Variants in DNAJC11 observed in about 807,000 individuals in gnomAD.
DNAJC11 encodes DnaJ heat shock protein family (Hsp40) member C11.
Under a neutral mutation model 78.6 loss-of-function variants are expected in DNAJC11, and 15 were observed. The observed-to-expected ratio is 0.19, with a 90% CI of 0.13 to 0.29. The LOEUF (loss-of-function observed/expected upper bound fraction) is 0.29, where lower values mean the gene tolerates loss of function less well. Among genes scored for constraint, DNAJC11 ranks in the 10% least tolerant of loss-of-function variants. The pLI is 1.00. For missense variants in DNAJC11, 547 were observed against 709.6 expected, an observed-to-expected ratio of 0.77 and a Z score of 2.60; for synonymous variants, 292 against 272.1, an observed-to-expected ratio of 1.07 and a Z score of -0.72.
intron 3 of DNAJC11, among the ~76,000 whole-genome samples, chr1:6,669,516 A>T (rs1265846192): frequency 4.0e-5 from 2 of 50,386 alleles, no homozygotes; most frequent in Non-Finnish European, 9.1e-5. Context: ...TCTGTCTTAG[A>T]AAAGAAAAGA....
At chr1:6,693,409 C>T (rs945119691) in intron 1 of DNAJC11, among the ~76,000 whole-genome samples, 3 of 152,158 alleles carry the variant, frequency 2.0e-5, no homozygotes, top group Non-Finnish European at 4.4e-5. Context: ...TAGATGGATT[C>T]TTGCTCTGTC....
At chr1:6,643,402 A>T (rs956803230) in intron 10 of DNAJC11, among the ~76,000 whole-genome samples, 10 of 151,742 alleles carry the variant, frequency 6.6e-5, no homozygotes, top group African/African-American at 1.5e-4. Context: ...CAGCCTCCCA[A>T]GTAGCAGAGA....
At chr1:6,666,882 C>T (rs1044497342) in intron 4 of DNAJC11, among the ~76,000 whole-genome samples, 1 of 152,222 alleles carries the variant, frequency 6.6e-6, no homozygotes, top group Non-Finnish European at 1.5e-5. Flanking sequence ...GCCAGGCCAT[C>T]CTGGCCACAG....
At chr1:6,642,061 C>T (rs1641886196) in intron 10 of DNAJC11, among the ~76,000 whole-genome samples, 1 of 152,188 alleles carries the variant, frequency 6.6e-6, no homozygotes, top group Admixed American at 6.5e-5. Context: ...ACGTATTTAT[C>T]TGCAGACTGA....
chr1:6,681,011 G>A lies in DNAJC11; in HGVS notation c.99C>T (p.Ala33=). 1 of 1,613,558 alleles carries A rather than the reference G, an allele frequency of 6.2e-7. No homozygotes were observed. Among genetic ancestry groups the A allele is most frequent in the Non-Finnish European group, 8.5e-7 (1 of 1,179,658 alleles). The change falls in exon 2 of 16, where the codon GCC becomes GCT. Residue 33 remains alanine, a synonymous_variant. Transcript: ENST00000377577. ...REASSEELKA[A]YRRLCMLYHP... ...GGTAGAGCATACAGAGCCTCCGGTA[G>A]GCAGCTTTCAGCTCTTCAGAAGAGG...
intron 4 of DNAJC11, among the ~76,000 whole-genome samples, chr1:6,660,692 C>T (rs2148737229): frequency 6.6e-6 from 1 of 152,306 alleles, no homozygotes; most frequent in Non-Finnish European, 1.5e-5. Context: ...GAAAGATGAC[C>T]ATTTTCCCTG....
At position 6,634,212 on chromosome 1, in the gene DNAJC11, G is replaced by A; in HGVS notation, c.*1463C>T. On this transcript the variant is annotated 3_prime_UTR_variant, in exon 16 of 16. Coordinates refer to ENST00000377577, the MANE Select transcript of DNAJC11 (RefSeq NM_018198.4). ...TATTGTGGTGAGTGCCTTCTGTACA[G>A]TCGACTGCAAATGAAACGCAGAGGA... 2.0e-6 allele frequency: 2 copies of A among 979,842 alleles called. No homozygotes were observed. The highest frequency in any genetic ancestry group is 3.1e-5 in the South Asian group (2 of 64,702). 60.7% of individuals were successfully genotyped at this position (979,842 alleles called of 1,614,324 possible). A position where few individuals can be genotyped will look rare whatever the true frequency, so the allele number is the denominator to read the frequency against.
chr1:6,639,904 C>T lies in DNAJC11; in HGVS notation c.1251G>A (p.Glu417=), dbSNP rs950537881. The T allele has an allele frequency of 5.0e-6, 8 of 1,612,592 alleles. No individual in the cohort carries two copies. In the African/African-American group the frequency reaches 9.4e-5, roughly 19 times the overall value. ...ATGCCCATGACGTGTCAACTCACTT[C>T]TCTTTCTGAGCCCTGAGGTATGGTT... ...IIKPYLRAQK[E]KELEKQRESA... The change falls in exon 11 of 16, where the codon GAG becomes GAA. Residue 417 remains glutamate, a splice_region_variant and synonymous_variant. Transcript: ENST00000377577.
In DNAJC11 at chr1:6,645,894, G is replaced by T; in HGVS notation, c.789C>A (p.Asp263Glu). The T allele has an allele frequency of 1.9e-6, 3 of 1,614,218 alleles. No individual in the cohort carries two copies. Among genetic ancestry groups the T allele is most frequent in the Non-Finnish European group, 2.5e-6 (3 of 1,180,042 alleles). ...GLTTVLARNL[D>E]KNTVGYLQWR... ...ACTGCAGGTAGCCCACGGTGTTCTT[G>T]TCTAGGTTCCGAGCTAGGACAGTGG... Residue 263 changes from aspartate (D) to glutamate (E), a missense_variant, in exon 8 of 16, where the codon GAC becomes GAA. Asp to Glu is a conservative substitution (Grantham distance 45, BLOSUM62 2). Coordinates refer to ENST00000377577, the MANE Select transcript of DNAJC11 (RefSeq NM_018198.4). This position sits in a 1 kb window ranked among gnomAD's most constrained non-coding sequence, Gnocchi z 4.1.
chr1:6,672,749 G>A (rs1642399944), intron 3 of DNAJC11, among the ~76,000 whole-genome samples: 1 of 152,182 alleles, frequency 6.6e-6, no homozygotes, highest in African/African-American at 2.4e-5. Context: ...GCTGTGAGCC[G>A]CTCTTCTCCT....
At chr1:6,665,031 G>C (rs919178492) in intron 4 of DNAJC11, among the ~76,000 whole-genome samples, 1 of 152,130 alleles carries the variant, frequency 6.6e-6, no homozygotes, top group Non-Finnish European at 1.5e-5. Context: ...CTCTGTGGGG[G>C]GTCCAGCTGA....
At chr1:6,672,543 C>G (rs1476029633) in intron 3 of DNAJC11, among the ~76,000 whole-genome samples, 1 of 152,196 alleles carries the variant, frequency 6.6e-6, no homozygotes, top group Non-Finnish European at 1.5e-5. Flanking sequence ...ATATTTTACA[C>G]AAATTTTGCA....
At chr1:6,683,592 A>G (rs1642588462) in intron 1 of DNAJC11, among the ~76,000 whole-genome samples, 1 of 152,210 alleles carries the variant, frequency 6.6e-6, no homozygotes, top group Non-Finnish European at 1.5e-5. Flanking sequence ...GTGCCTAACA[A>G]TGTCCAGCTC....
intron 1 of DNAJC11, among the ~76,000 whole-genome samples, chr1:6,687,780 C>T (rs1642681178): frequency 6.6e-6 from 1 of 152,084 alleles, no homozygotes; most frequent in African/African-American, 2.4e-5. Flanking sequence ...TGGGATTCAT[C>T]GTCAAACAGA....
Position 6,640,073 on chromosome 1 carries a change from A to C in DNAJC11, c.1098-16T>G. The C allele has an allele frequency of 1.1e-6, 1 of 935,550 alleles. No homozygotes were observed. Among genetic ancestry groups the C allele is most frequent in the East Asian group, 3.6e-5 (1 of 28,044 alleles). 58.0% of individuals were successfully genotyped at this position (935,550 alleles called of 1,614,324 possible). A position where few individuals can be genotyped will look rare whatever the true frequency, so the allele number is the denominator to read the frequency against. ...CCTGTTGAGCCTGGGGAAAAATACA[A>C]AAAAAAAAAAAAAAAAGCCAAGATG... On this transcript the variant is annotated splice_polypyrimidine_tract_variant and intron_variant, in intron 10 of 15. Transcript: ENST00000377577.
chr1:6,667,559 C>G, intron 4 of DNAJC11, 150 bp downstream of exon 4: 1 of 659,358 alleles, frequency 1.5e-6, no homozygotes, highest in Non-Finnish European at 2.7e-6. Flanking sequence ...CAGAAAGATA[C>G]AACTTTGACA....
Position 6,645,651 on chromosome 1 carries a change from G to A in DNAJC11, c.894+138C>T. ...CAGGTCACTCGAGTGTGAGCACCGAGAGCCTGCCCCTCAGGGCCCTGTATG... is the reference window on the plus strand; with the variant it reads ...CAGGTCACTCGAGTGTGAGCACCGAAAGCCTGCCCCTCAGGGCCCTGTATG... On this transcript the variant is annotated intron_variant, in intron 8 of 15. Transcript: ENST00000377577. The surrounding 1 kb of genome is among the most constrained non-coding windows in gnomAD (Gnocchi z 4.1). 1 of 983,964 alleles carries A rather than the reference G, an allele frequency of 1.0e-6. No individual in the cohort carries two copies. Among genetic ancestry groups the A allele is most frequent in the South Asian group, 1.7e-5 (1 of 60,026 alleles). 61.0% of individuals were successfully genotyped at this position (983,964 alleles called of 1,614,324 possible). A position where few individuals can be genotyped will look rare whatever the true frequency, so the allele number is the denominator to read the frequency against.
At chr1:6,664,385 G>A (rs112107312) in intron 4 of DNAJC11, among the ~76,000 whole-genome samples, 6,873 of 151,962 alleles carry the variant, frequency 0.045, 296 homozygotes, top group African/African-American at 0.11. Flanking sequence ...GACTACAGGC[G>A]CCTGCCACCA....
intron 4 of DNAJC11, among the ~76,000 whole-genome samples, chr1:6,666,498 T>C (rs1642297098): frequency 6.6e-6 from 1 of 151,316 alleles, no homozygotes; most frequent in African/African-American, 2.4e-5. Flanking sequence ...GCTATTCTCC[T>C]GTCTCAGCCT....
Sources: allele counts gnomAD v4.1 joint callset (sites outside exome capture counted in the v4.1 genomes callset), GRCh38; gene constraint gnomAD v4.1.1; non-coding constraint Gnocchi (gnomAD v3.1); transcripts MANE v1.5; gene names NCBI Gene and HGNC (gene_info 2026-07-23, HGNC 2026-07-21).